The following CSMD1 variants were observed in gnomAD, a reference collection of about 807,000 sequenced individuals.
CSMD1 encodes the protein CUB and Sushi multiple domains 1.
A neutral mutation model predicts 417.5 loss-of-function variants in CSMD1; 213 were observed. That is an observed-to-expected ratio of 0.51 (90% CI 0.46 to 0.57). The LOEUF is 0.57. CSMD1 is among the 20% of genes least tolerant of loss of function. The pLI is 0.00. For synonymous variants in CSMD1, 2,862 were observed against 1,736.8 expected, an observed-to-expected ratio of 1.65 and a Z score of -16.11; for missense variants, 6,923 against 4,529.7, an observed-to-expected ratio of 1.53 and a Z score of -15.17.
chr8:3,467,056 A>G (rs1338676219), intron 12 of CSMD1, among the ~76,000 whole-genome samples: 2 of 152,196 alleles, frequency 1.3e-5, no homozygotes, highest in Non-Finnish European at 2.9e-5. Flanking sequence ...CATCTCATGA[A>G]AAGCCATCTC....
Position 4,762,525 on chromosome 8 carries a change from A to G in CSMD1, c.86-124967T>C, listed in dbSNP as rs1340608236. On this transcript the variant is annotated intron_variant, in intron 1 of 69. Transcript: ENST00000635120. ...ATAGGTAAGCATATATGTCTCCTAA[A>G]AAACATCAAAAAAGTAACCTACATT... Among the ~76,000 whole-genome samples the G allele has an allele frequency of 2.0e-5, 3 of 152,258 alleles. No individual in the cohort carries two copies. The East Asian group carries it at 5.8e-4, about 29-fold the overall frequency.
chr8:3,494,114 G>A (rs1261386316), intron 10 of CSMD1, among the ~76,000 whole-genome samples: 1 of 152,112 alleles, frequency 6.6e-6, no homozygotes, highest in Non-Finnish European at 1.5e-5. Context: ...AGAATGCTCT[G>A]CAATAAATAT....
chr8:3,886,071 G>C (rs897455691), intron 5 of CSMD1, among the ~76,000 whole-genome samples: 19 of 151,588 alleles, frequency 1.3e-4, no homozygotes, highest in Non-Finnish European at 2.2e-4. Context: ...ATTTTTTTGA[G>C]ACAGACTCTT....
intron 10 of CSMD1, among the ~76,000 whole-genome samples, chr8:3,502,344 G>C (rs568221743): frequency 7.7e-6 from 1 of 129,276 alleles, no homozygotes; most frequent in African/African-American, 3.0e-5. Flanking sequence ...CAGCCTGGGG[G>C]ACAGACCGAG....
At chr8:3,299,475 G>A (rs1206776485) in intron 25 of CSMD1, among the ~76,000 whole-genome samples, 2 of 152,026 alleles carry the variant, frequency 1.3e-5, no homozygotes, top group African/African-American at 2.4e-5. Context: ...ATGCAATGTG[G>A]TATCATCGCT....
intron 7 of CSMD1, among the ~76,000 whole-genome samples, chr8:3,692,876 T>C (rs1409461728): frequency 6.6e-6 from 1 of 152,176 alleles, no homozygotes; most frequent in Non-Finnish European, 1.5e-5. Context: ...AATATTCTAA[T>C]GGTACTTTGA....
chr8:4,459,180 G>C (rs77307145), intron 2 of CSMD1, among the ~76,000 whole-genome samples: 20,218 of 152,234 alleles, frequency 0.13, 1,642 homozygotes, highest in South Asian at 0.22. Flanking sequence ...CTGCAGATGA[G>C]TTTGGCCAAC....
intron 3 of CSMD1, among the ~76,000 whole-genome samples, chr8:4,116,146 A>C (rs1221382371): frequency 1.3e-5 from 2 of 151,948 alleles, no homozygotes; most frequent in Non-Finnish European, 2.9e-5. Context: ...GGCGCGTACC[A>C]CCGCACCCAG....
At chr8:3,281,334 C>T (rs933824620) in intron 26 of CSMD1, among the ~76,000 whole-genome samples, 4 of 151,946 alleles carry the variant, frequency 2.6e-5, no homozygotes, top group East Asian at 1.9e-4. Flanking sequence ...ATCCCAGCTA[C>T]TCGGGAGGCT....
intron 3 of CSMD1, among the ~76,000 whole-genome samples, chr8:4,071,894 C>T (rs953723868): frequency 6.6e-6 from 1 of 152,166 alleles, no homozygotes; most frequent in African/African-American, 2.4e-5. Flanking sequence ...TTGGAATCTG[C>T]TCCACTTAGG....
Position 4,201,540 on chromosome 8 carries a change from CAAAAAAAAAAAAAAAAAAAAAAA to C in CSMD1, c.416-169464_416-169442del. On this transcript the variant is annotated intron_variant, in intron 3 of 69. Coordinates refer to ENST00000635120, the MANE Select transcript of CSMD1 (RefSeq NM_033225.6). The stretch of plus-strand genomic sequence containing the variant: ...GTAAGAGATCCAGACTCTGTCTCCA[CAAAAAAAAAAAAAAAAAAAAAAA>C]AAAAAAAAAAAAATCAGAAAACGAT... Among the ~76,000 whole-genome samples, 3 of 59,048 alleles carry C rather than the reference CAAAAAAAAAAAAAAAAAAAAAAA, an allele frequency of 5.1e-5. 1 individual carries two copies. The highest frequency in any genetic ancestry group is 0.034 in the Middle Eastern group (2 of 58). 38.7% of individuals were successfully genotyped at this position (59,048 alleles called of 152,430 possible).
intron 7 of CSMD1, among the ~76,000 whole-genome samples, chr8:3,678,216 G>T (rs1168524163): frequency 6.6e-6 from 1 of 152,180 alleles, no homozygotes; most frequent in East Asian, 1.9e-4. Flanking sequence ...AGAGAAGAAG[G>T]TTTCAGATGA....
chr8:3,685,755 T>G (rs1286248723), intron 7 of CSMD1, among the ~76,000 whole-genome samples: 2 of 151,968 alleles, frequency 1.3e-5, no homozygotes, highest in African/African-American at 4.8e-5. Flanking sequence ...CATGTTTTAT[T>G]GCTTTATTTT....
intron 26 of CSMD1, among the ~76,000 whole-genome samples, chr8:3,279,798 C>G (rs1364241087): frequency 6.6e-6 from 1 of 152,004 alleles, no homozygotes; most frequent in Non-Finnish European, 1.5e-5. Flanking sequence ...AATGCCAGAC[C>G]CTTATAAAAC....
intron 18 of CSMD1, among the ~76,000 whole-genome samples, chr8:3,371,656 G>C (rs373313154): frequency 5.3e-5 from 8 of 152,040 alleles, no homozygotes; most frequent in Admixed American, 5.2e-4. Context: ...ATTCACAAAA[G>C]AATTAGATAA....
At chr8:4,816,355 T>C (rs1799208747) in intron 1 of CSMD1, among the ~76,000 whole-genome samples, 1 of 151,998 alleles carries the variant, frequency 6.6e-6, no homozygotes, top group Non-Finnish European at 1.5e-5. Flanking sequence ...TGGGTAATTT[T>C]TGAATCTTTA....
At chr8:3,474,425 C>G (rs185025752) in intron 11 of CSMD1, among the ~76,000 whole-genome samples, 1 of 151,908 alleles carries the variant, frequency 6.6e-6, no homozygotes, top group Non-Finnish European at 1.5e-5. Flanking sequence ...TTTATTTATC[C>G]CTTGATGTAA....
intron 54 of CSMD1, among the ~76,000 whole-genome samples, chr8:2,980,931 G>C (rs138246828): frequency 2.0e-5 from 3 of 152,258 alleles, no homozygotes; most frequent in African/African-American, 7.2e-5. Flanking sequence ...TATTCCTTGA[G>C]CCCCATGTGG....
At chr8:4,968,966 C>T (rs910252134) in intron 1 of CSMD1, among the ~76,000 whole-genome samples, 2 of 152,128 alleles carry the variant, frequency 1.3e-5, no homozygotes, top group African/African-American at 2.4e-5. Context: ...AATGTTCAAG[C>T]CCCTGTGCTT....
Sources: allele counts gnomAD v4.1 joint callset (sites outside exome capture counted in the v4.1 genomes callset), GRCh38; gene constraint gnomAD v4.1.1; transcripts MANE v1.5; gene names NCBI Gene and HGNC (gene_info 2026-07-23, HGNC 2026-07-21).